The following ADIPOR2 variants were observed in gnomAD, a reference collection of about 807,000 sequenced individuals.
ADIPOR2 encodes adiponectin receptor protein 2.
Under a neutral mutation model 40.9 loss-of-function variants are expected in ADIPOR2, and 18 were observed. That is an observed-to-expected ratio of 0.44 (90% confidence interval 0.30 to 0.65). The LOEUF is 0.65. ADIPOR2 is among the 30% of genes least tolerant of loss of function. The pLI is 0.09. For missense variants in ADIPOR2, 283 were observed against 479.2 expected (o/e 0.59, Z 3.82); for synonymous variants, 165 against 166.4 (o/e 0.99, Z 0.06).
intron 1 of ADIPOR2, among the ~76,000 whole-genome samples, chr12:1,692,475 G>A (rs551266806): frequency 6.6e-6 from 1 of 152,232 alleles, no homozygotes; most frequent in South Asian, 2.1e-4. Context: ...TATGAAATTT[G>A]AAAAAATTGC....
chr12:1,700,645 A>G (rs1001526102), intron 1 of ADIPOR2, among the ~76,000 whole-genome samples: 1 of 152,220 alleles, frequency 6.6e-6, no homozygotes, highest in Admixed American at 6.5e-5. Flanking sequence ...GAGGGTAAAA[A>G]TGGAAGTATG....
At chr12:1,758,158 G>C (rs549993123) in intron 2 of ADIPOR2, 389 of 422,784 alleles carry the variant, frequency 9.2e-4, no homozygotes, top group South Asian at 2.0e-3. Context: ...TGGTTGAAGT[G>C]GTATCTTCTG....
intron 1 of ADIPOR2, among the ~76,000 whole-genome samples, chr12:1,749,488 A>G (rs1197360666): frequency 1.3e-5 from 2 of 152,246 alleles, no homozygotes; most frequent in African/African-American, 2.4e-5. Context: ...GAAGAAGACC[A>G]ATAGATATCA....
chr12:1,691,373 G>A (rs1467210875), intron 1 of ADIPOR2, among the ~76,000 whole-genome samples, 182 bp downstream of exon 1: 3 of 152,290 alleles, frequency 2.0e-5, no homozygotes, highest in Admixed American at 2.0e-4. Context: ...CCTGCCGCCC[G>A]GCGCGCCTTG....
intron 1 of ADIPOR2, among the ~76,000 whole-genome samples, chr12:1,747,545 A>C (rs978811417): frequency 6.6e-6 from 1 of 152,028 alleles, no homozygotes; most frequent in Admixed American, 6.5e-5. Flanking sequence ...CGTGGATTTG[A>C]ATTGCTGTTT....
intron 1 of ADIPOR2, among the ~76,000 whole-genome samples, chr12:1,734,518 G>T (rs1249400013): frequency 6.7e-6 from 1 of 149,892 alleles, no homozygotes; most frequent in Non-Finnish European, 1.5e-5. Flanking sequence ...TTAGCCCTTT[G>T]TCAGATGAGT....
intron 4 of ADIPOR2, among the ~76,000 whole-genome samples, chr12:1,779,064 G>GAACTTTCATACGTTGCCAGT (rs1455011302): frequency 1.3e-5 from 2 of 152,180 alleles, no homozygotes; most frequent in Non-Finnish European, 2.9e-5. Context: ...GGGGAAATTG[G>GAACTTTCATACGTTGCCAGT]AACTTTCATA....
intron 2 of ADIPOR2, among the ~76,000 whole-genome samples, chr12:1,770,750 TAGTC>T (rs374197583): frequency 2.2e-3 from 331 of 152,344 alleles, no homozygotes; most frequent in African/African-American, 3.0e-3. Context: ...AAAACAGTAT[TAGTC>T]AGTAAAAGAG....
chr12:1,783,620 A>C (rs2076603552), intron 6 of ADIPOR2, among the ~76,000 whole-genome samples: 1 of 152,134 alleles, frequency 6.6e-6, no homozygotes, highest in African/African-American at 2.4e-5. Context: ...GCTGGTCCCA[A>C]AGTGCTGGGA....
intron 6 of ADIPOR2, among the ~76,000 whole-genome samples, chr12:1,781,821 G>A (rs1862726186): frequency 6.6e-6 from 1 of 152,132 alleles, no homozygotes; most frequent in Admixed American, 6.5e-5. Flanking sequence ...GGGGTACCTG[G>A]AAGGTTAGAC....
intron 1 of ADIPOR2, among the ~76,000 whole-genome samples, chr12:1,704,055 ATTTT>A (rs57190793): frequency 3.0e-5 from 2 of 67,532 alleles, no homozygotes; most frequent in African/African-American, 5.3e-5. Context: ...TCTACCTGGA[ATTTT>A]TTTTTTTTTT....
intron 1 of ADIPOR2, among the ~76,000 whole-genome samples, chr12:1,724,589 A>C (rs573960590): frequency 2.6e-5 from 4 of 152,306 alleles, no homozygotes; most frequent in African/African-American, 7.2e-5. Flanking sequence ...CAACAATATA[A>C]ATGTACTCAG....
chr12:1,708,863 G>C (rs1206604618), intron 1 of ADIPOR2, among the ~76,000 whole-genome samples: 2 of 151,990 alleles, frequency 1.3e-5, no homozygotes, highest in Non-Finnish European at 2.9e-5. Context: ...GGGATTACAG[G>C]TGTGCACCAC....
intron 1 of ADIPOR2, among the ~76,000 whole-genome samples, chr12:1,705,692 GA>G (rs2094660797): frequency 6.6e-6 from 1 of 152,122 alleles, no homozygotes; most frequent in African/African-American, 2.4e-5. Flanking sequence ...CATTATTATA[GA>G]TCTTGGGAAA....
At chr12:1,753,669 A>C (rs1199128312) in intron 1 of ADIPOR2, among the ~76,000 whole-genome samples, 1 of 152,192 alleles carries the variant, frequency 6.6e-6, no homozygotes, top group African/African-American at 2.4e-5. Context: ...ATTTTTTATA[A>C]AGTATGGTGA....
intron 1 of ADIPOR2, among the ~76,000 whole-genome samples, chr12:1,713,996 C>T (rs942938998): frequency 3.3e-5 from 5 of 152,084 alleles, no homozygotes; most frequent in African/African-American, 1.2e-4. Context: ...CTGGCGCTTG[C>T]CCCGGGCACC....
intron 2 of ADIPOR2, among the ~76,000 whole-genome samples, chr12:1,769,097 TG>T (rs1862444894): frequency 6.6e-6 from 1 of 152,238 alleles, no homozygotes; most frequent in Non-Finnish European, 1.5e-5. Context: ...GAGGTATCTT[TG>T]GGTACTGTGG....
chr12:1,694,542 G>GA (rs555049373), intron 1 of ADIPOR2, among the ~76,000 whole-genome samples: 1 of 151,846 alleles, frequency 6.6e-6, no homozygotes, highest in African/African-American at 2.4e-5. Context: ...ATAAAGACAA[G>GA]AAAAAAAAGT....
At chr12:1,785,142 T>C (rs568955095) in intron 7 of ADIPOR2, among the ~76,000 whole-genome samples, 5 of 152,242 alleles carry the variant, frequency 3.3e-5, no homozygotes, top group Non-Finnish European at 7.3e-5. Flanking sequence ...AATCAGTGTT[T>C]TTCTCTTGAT....
Sources: gnomAD v4.1 joint callset for allele counts (sites outside exome capture counted in the v4.1 genomes callset) on GRCh38, gnomAD v4.1.1 for gene constraint, MANE v1.5 for transcripts, NCBI Gene and HGNC (gene_info 2026-07-23, HGNC 2026-07-21) for gene names.